SPDYE10: variants seen among roughly 807,000 people sequenced by gnomAD.
SPDYE10 encodes speedy/RINGO cell cycle regulator family member E10.
chr7:73,139,695 T>C, the SPDYE10 span, among the ~76,000 whole-genome samples: 3 of 148,766 alleles, frequency 2.0e-5, no homozygotes, highest in Non-Finnish European at 3.0e-5. Context: ...CTCCCTCTGT[T>C]GCCCAGGCTG....
the SPDYE10 span, among the ~76,000 whole-genome samples, chr7:73,147,869 T>C: frequency 7.3e-5 from 11 of 151,204 alleles, no homozygotes; most frequent in Admixed American, 3.3e-4. Context: ...TGCAATGGCA[T>C]GATCTTGGCT....
the SPDYE10 span, among the ~76,000 whole-genome samples, chr7:73,137,325 C>G: frequency 6.6e-6 from 1 of 150,592 alleles, no homozygotes; most frequent in Non-Finnish European, 1.5e-5. Context: ...ACCATCCTGG[C>G]TAACACGGTG....
At chr7:73,132,546 C>CAAAAA in the SPDYE10 span, among the ~76,000 whole-genome samples, 1 of 59,458 alleles carries the variant, frequency 1.7e-5, no homozygotes, top group South Asian at 8.5e-4. Flanking sequence ...GACCCTGTCT[C>CAAAAA]AAAAAAAAAA....
the SPDYE10 span, among the ~76,000 whole-genome samples, chr7:73,125,270 TCC>T: frequency 6.7e-6 from 1 of 150,260 alleles, no homozygotes; most frequent in Non-Finnish European, 1.5e-5. Context: ...CAGGCTGGAT[TCC>T]CCACCCCTGC....
the SPDYE10 span, among the ~76,000 whole-genome samples, chr7:73,137,584 AAGAAG>A: frequency 7.0e-6 from 1 of 142,998 alleles, no homozygotes; most frequent in African/African-American, 2.7e-5. Context: ...GAAAGAAAGA[AAGAAG>A]AGATGAAAGA....
chr7:73,151,737 C>A, the SPDYE10 span, among the ~76,000 whole-genome samples: 1 of 71,596 alleles, frequency 1.4e-5, no homozygotes, highest in East Asian at 2.7e-4. Flanking sequence ...AGGCTGGTCT[C>A]AAACTCCCGG....
chr7:73,126,503 T>A, the SPDYE10 span, among the ~76,000 whole-genome samples: 1 of 105,828 alleles, frequency 9.4e-6, no homozygotes, highest in East Asian at 2.6e-4. Context: ...CAAGACTCCA[T>A]CTCAAAAAAA....
At chr7:73,128,080 A>C in the SPDYE10 span, among the ~76,000 whole-genome samples, 2 of 151,888 alleles carry the variant, frequency 1.3e-5, no homozygotes, top group Admixed American at 1.3e-4. Context: ...CACCAACAGG[A>C]GACTGGATAA....
chr7:73,138,596 C>G, the SPDYE10 span, among the ~76,000 whole-genome samples: 1 of 151,532 alleles, frequency 6.6e-6, no homozygotes, highest in Non-Finnish European at 1.5e-5. Context: ...CCAGGATGGT[C>G]TCAATCTCTT....
At chr7:73,150,947 TA>T in the SPDYE10 span, among the ~76,000 whole-genome samples, 146 of 11,600 alleles carry the variant, frequency 0.013, 2 homozygotes, top group African/African-American at 0.015. Flanking sequence ...TATATATATA[TA>T]TTTTTTTTTT....
the SPDYE10 span, among the ~76,000 whole-genome samples, chr7:73,149,540 G>A: frequency 1.3e-5 from 2 of 151,774 alleles, no homozygotes; most frequent in African/African-American, 2.4e-5. Flanking sequence ...ACCTGCCTTG[G>A]CCTCCCAAAG....
the SPDYE10 span, among the ~76,000 whole-genome samples, chr7:73,127,651 A>C: frequency 2.3e-5 from 3 of 129,682 alleles, no homozygotes; most frequent in Admixed American, 8.0e-5. Context: ...AAAAAAAAAA[A>C]AAAAACAGGC....
chr7:73,152,214 C>G, the SPDYE10 span, among the ~76,000 whole-genome samples: 1 of 137,162 alleles, frequency 7.3e-6, no homozygotes, highest in Non-Finnish European at 1.6e-5. Flanking sequence ...GGGGTTTCAC[C>G]ATGCTGGCCA....
the SPDYE10 span, among the ~76,000 whole-genome samples, chr7:73,120,811 G>A: frequency 6.6e-6 from 1 of 151,794 alleles, no homozygotes; most frequent in Non-Finnish European, 1.5e-5. Context: ...AAGGAAGTCT[G>A]TTATTAACAC....
At chr7:73,107,395 A>G in the SPDYE10 span, among the ~76,000 whole-genome samples, 10 of 8,338 alleles carry the variant, frequency 1.2e-3, no homozygotes, top group African/African-American at 2.7e-3. Flanking sequence ...GCAGTGAGCC[A>G]AGATTGGGCC....
At chr7:73,137,916 G>C in the SPDYE10 span, among the ~76,000 whole-genome samples, 1 of 136,524 alleles carries the variant, frequency 7.3e-6, no homozygotes, top group Non-Finnish European at 1.6e-5. Context: ...GGAAGGGAAG[G>C]GGAAGGGGAG....
the SPDYE10 span, chr7:73,154,798 G>GCGGCAGCAACAGCAGCAA: frequency 9.8e-6 from 2 of 203,422 alleles, no homozygotes; most frequent in Non-Finnish European, 2.0e-5. Flanking sequence ...CCCAGCCCCC[G>GCGGCAGCAACAGCAGCAA]CGGCAGCAAC....
the SPDYE10 span, among the ~76,000 whole-genome samples, chr7:73,138,604 CTT>C: frequency 2.6e-5 from 4 of 151,758 alleles, no homozygotes; most frequent in African/African-American, 9.8e-5. Context: ...GTCTCAATCT[CTT>C]GACCTCGTGA....
the SPDYE10 span, among the ~76,000 whole-genome samples, chr7:73,143,730 C>T: frequency 1.3e-5 from 2 of 152,138 alleles, no homozygotes; most frequent in Non-Finnish European, 2.9e-5. Flanking sequence ...TGGAGTCTTG[C>T]TCCGTTGCCC....
Sources: gnomAD v4.1 joint callset for allele counts (sites outside exome capture counted in the v4.1 genomes callset) on GRCh38, gnomAD v4.1.1 for gene constraint, MANE v1.5 for transcripts, NCBI Gene and HGNC (gene_info 2026-07-23, HGNC 2026-07-21) for gene names.